The following ATIC variants were observed in gnomAD, a reference collection of about 807,000 sequenced individuals.
ATIC encodes bifunctional purine biosynthesis protein ATIC.
A neutral mutation model predicts 72.5 loss-of-function variants in ATIC; 64 were observed. The ratio of observed to expected loss-of-function variants is 0.88; its 90% confidence interval spans 0.72 to 1.09. ATIC has a LOEUF of 1.09. ATIC is among the 50% of genes least tolerant of loss of function. The pLI is 0.00. For synonymous variants in ATIC, 281 were observed against 267.1 expected, an observed-to-expected ratio of 1.05 and a Z score of -0.51; for missense variants, 787 against 732.4, an observed-to-expected ratio of 1.07 and a Z score of -0.86.
chr2:215,327,543 T>TG, intron 7 of ATIC, among the ~76,000 whole-genome samples: 1 of 152,220 alleles, frequency 6.6e-6, no homozygotes, highest in Admixed American at 6.5e-5. Flanking sequence ...TTTGTAGAGT[T>TG]TAGAGAGGGT....
the ATIC span, among the ~76,000 whole-genome samples, chr2:215,359,387 A>C: frequency 6.6e-6 from 1 of 152,202 alleles, no homozygotes; most frequent in Non-Finnish European, 1.5e-5. Context: ...CATGTGTCTC[A>C]GGGGGTTGTC....
chr2:215,347,099 C>A, intron 14 of ATIC, 158 bp downstream of exon 14: 2 of 976,984 alleles, frequency 2.0e-6, no homozygotes, highest in Non-Finnish European at 3.1e-6. Context: ...ACACATTTCT[C>A]ATGTTCTTCT....
At chr2:215,361,452 TAAGA>T in the ATIC span, 7 of 881,786 alleles carry the variant, frequency 7.9e-6, no homozygotes, top group Admixed American at 1.7e-5. Context: ...GCAAAGGGCT[TAAGA>T]AAGAAAGAAG....
At chr2:215,327,434 T>C (rs564859511) in intron 7 of ATIC, among the ~76,000 whole-genome samples, 118 of 152,316 alleles carry the variant, frequency 7.7e-4, no homozygotes, top group African/African-American at 2.8e-3. Context: ...ATATTGGATC[T>C]AGAAGCCCAA....
At chr2:215,322,463 G>A (rs2052778700) in intron 4 of ATIC, among the ~76,000 whole-genome samples, 1 of 151,154 alleles carries the variant, frequency 6.6e-6, no homozygotes, top group African/African-American at 2.4e-5. Context: ...GCAAGTAGCT[G>A]TGATTACAGG....
At chr2:215,367,280 GA>G in the ATIC span, among the ~76,000 whole-genome samples, 2 of 152,136 alleles carry the variant, frequency 1.3e-5, no homozygotes, top group Admixed American at 6.5e-5. Flanking sequence ...AAACGTATTA[GA>G]ATTTGAAAAT....
intron 4 of ATIC, 82 bp from the exon 5 acceptor site, chr2:215,325,159 A>T: frequency 1.0e-6 from 1 of 987,824 alleles, no homozygotes; most frequent in Non-Finnish European, 1.6e-6. Flanking sequence ...CGTTAATAGT[A>T]CTGACTTGTT....
At chr2:215,344,242 T>C (rs1394319685) in intron 12 of ATIC, among the ~76,000 whole-genome samples, 1 of 152,126 alleles carries the variant, frequency 6.6e-6, no homozygotes, top group Non-Finnish European at 1.5e-5. Flanking sequence ...ATAACATGAG[T>C]TTGTGTCTAT....
the ATIC span, among the ~76,000 whole-genome samples, chr2:215,367,096 G>A: frequency 6.6e-6 from 1 of 152,066 alleles, no homozygotes; most frequent in Admixed American, 6.6e-5. Flanking sequence ...TATGTCTATA[G>A]GAGGCTTATT....
chr2:215,346,701 C>T, intron 13 of ATIC, 58 bp from the exon 14 acceptor site: 1 of 1,588,886 alleles, frequency 6.3e-7, no homozygotes, highest in Non-Finnish European at 8.6e-7. Flanking sequence ...ACAAAAGATC[C>T]TTTTGAGAAG....
the ATIC span, chr2:215,360,665 A>C: frequency 6.6e-6 from 1 of 152,520 alleles, no homozygotes; most frequent in Non-Finnish European, 1.5e-5. Context: ...GAAAGTGTAA[A>C]GCTATCTCCA....
chr2:215,365,756 A>G, the ATIC span: 1 of 749,692 alleles, frequency 1.3e-6, no homozygotes, highest in Non-Finnish European at 2.2e-6. Context: ...CAAGTTAAAG[A>G]TAAAAACCCC....
At chr2:215,339,765 G>A (rs773707193) in intron 12 of ATIC, among the ~76,000 whole-genome samples, 26 of 150,622 alleles carry the variant, frequency 1.7e-4, no homozygotes, top group Non-Finnish European at 3.4e-4. Flanking sequence ...CTCCCAAGTA[G>A]CTGGGACTAC....
intron 11 of ATIC, among the ~76,000 whole-genome samples, chr2:215,338,135 G>A (rs2052977182): frequency 6.6e-6 from 1 of 152,136 alleles, no homozygotes; most frequent in African/African-American, 2.4e-5. Context: ...ATAGTGTCAA[G>A]TTTAAAAAAA....
chr2:215,326,784 G>A, intron 6 of ATIC, 38 bp from the exon 7 acceptor site: 1 of 1,612,958 alleles, frequency 6.2e-7, no homozygotes, highest in Non-Finnish European at 8.5e-7. Flanking sequence ...ACTTTGGAAA[G>A]TGCTGCTCGT....
chr2:215,361,861 GT>G, the ATIC span: 28,057 of 1,084,532 alleles, frequency 0.026, 98 homozygotes, highest in Middle Eastern at 0.032. Context: ...TTTATGAGTT[GT>G]TTTTTTTTTT....
chr2:215,339,323 G>T (rs899765181), intron 12 of ATIC, among the ~76,000 whole-genome samples: 3 of 152,168 alleles, frequency 2.0e-5, no homozygotes, highest in African/African-American at 7.2e-5. Flanking sequence ...TTTAAGACCA[G>T]CCTGACCATG....
chr2:215,352,874 G>GT (rs142180977), downstream of ATIC, among the ~76,000 whole-genome samples: 129,755 of 151,924 alleles, frequency 0.85, 56,359 homozygotes, highest in East Asian at 1. Context: ...TGGTCTCATA[G>GT]TTCCCACGTG....
rs74853411 is a variant in ATIC, at chr2:215,325,065, C to T, written c.291-176C>T. The T allele has an allele frequency of 7.1e-3, 4,169 of 584,832 alleles. 122 individuals carry two copies. The highest frequency in any genetic ancestry group is 0.068 in the African/African-American group (3,675 of 53,764). 36.2% of individuals were successfully genotyped at this position (584,832 alleles called of 1,614,324 possible). ...TTACCTCTGCTCGACCCCAGCAGGA[C>T]ACCCTGACTTTTTAACACACTCGTT... On this transcript the variant is annotated intron_variant, in intron 4 of 15. Transcript: ENST00000236959.
Sources: gnomAD v4.1 joint callset for allele counts (sites outside exome capture counted in the v4.1 genomes callset) on GRCh38, gnomAD v4.1.1 for gene constraint, MANE v1.5 for transcripts, NCBI Gene and HGNC (gene_info 2026-07-23, HGNC 2026-07-21) for gene names.